RBFOX1: variants seen among roughly 807,000 people sequenced by gnomAD.
The protein encoded by RBFOX1 is RNA binding protein fox-1 homolog 1.
RBFOX1 carries 8 observed loss-of-function variants against 57.7 expected under a neutral mutation model. That is an observed-to-expected ratio of 0.14 (90% CI 0.08 to 0.25). The LOEUF (loss-of-function observed/expected upper bound fraction) is 0.25. Ranked by LOEUF, RBFOX1 falls within the 10% of genes least tolerant of loss-of-function variation. The pLI is 1.00. For missense variants in RBFOX1, 611 were observed against 548.5 expected (o/e 1.11, Z -1.14); for synonymous variants, 326 against 222.4 (o/e 1.47, Z -4.15).
At position 5,747,598 on chromosome 16, in the gene RBFOX1, T is replaced by A. The variant is rs552252717; in HGVS notation, c.319-119705T>A. ...GTTCAGGGATTCAACTTATACCTGG[T>A]TTAGTCTTGGGAGGGTGTATGTGTT... On this transcript the variant is annotated intron_variant, in intron 3 of 19. Transcript: ENST00000641259. Among the ~76,000 whole-genome samples, 275 of 152,280 alleles carry A rather than the reference T, an allele frequency of 1.8e-3. 2 individuals are homozygous for A. The highest frequency in any genetic ancestry group is 6.5e-3 in the African/African-American group (271 of 41,546).
At chr16:6,856,892 G>C (rs1372136131) in intron 3 of RBFOX1, among the ~76,000 whole-genome samples, 3 of 151,950 alleles carry the variant, frequency 2.0e-5, no homozygotes, top group Non-Finnish European at 4.4e-5. Flanking sequence ...AAATGTTAGA[G>C]ACAGAGAAAG....
intron 1 of RBFOX1, among the ~76,000 whole-genome samples, chr16:6,158,124 G>C (rs1479429774): frequency 2.0e-5 from 3 of 152,162 alleles, no homozygotes; most frequent in Admixed American, 1.3e-4. Flanking sequence ...AATGAAAGTG[G>C]AGTGGCTTCT....
chr16:5,894,277 A>G, intron 4 of RBFOX1, among the ~76,000 whole-genome samples: 1 of 152,322 alleles, frequency 6.6e-6, no homozygotes, highest in East Asian at 1.9e-4. Flanking sequence ...AATTCAAAAC[A>G]TTATAAAAAC....
In RBFOX1 at chr16:5,690,428, C is replaced by G. The variant is rs559943818; in HGVS notation, c.318+91467C>G. Among the ~76,000 whole-genome samples the G allele has an allele frequency of 5.9e-5, 9 of 152,280 alleles. No individual in the cohort carries two copies. In the South Asian group the frequency reaches 8.3e-4, roughly 14 times the overall value. On this transcript the variant is annotated intron_variant, in intron 3 of 19. Coordinates refer to the RBFOX1 transcript ENST00000641259. ...GTGAATCTGTTTACAGCTCTACAAACAGGATAGCCACTACCTTCCCCACCA... is the reference window on the plus strand; with the variant it reads ...GTGAATCTGTTTACAGCTCTACAAAGAGGATAGCCACTACCTTCCCCACCA...
intron 3 of RBFOX1, among the ~76,000 whole-genome samples, chr16:5,763,789 C>T (rs1002625186): frequency 2.0e-5 from 3 of 152,234 alleles, no homozygotes; most frequent in Admixed American, 6.5e-5. Flanking sequence ...CTTCCTTTCT[C>T]ATTGAAGCCT....
At chr16:5,914,292 A>G (rs1243401724) in intron 4 of RBFOX1, among the ~76,000 whole-genome samples, 1 of 152,194 alleles carries the variant, frequency 6.6e-6, no homozygotes, top group Non-Finnish European at 1.5e-5. Context: ...AGAAATTTTT[A>G]TTATCCCCAA....
chr16:7,053,587 A>C (rs190094925), intron 4 of RBFOX1, among the ~76,000 whole-genome samples: 9 of 152,304 alleles, frequency 5.9e-5, no homozygotes, highest in African/African-American at 1.4e-4. Flanking sequence ...CTCTATTGCA[A>C]ATGACACTTG....
At chr16:7,101,598 G>A (rs1406177931) in intron 4 of RBFOX1, among the ~76,000 whole-genome samples, 2 of 152,098 alleles carry the variant, frequency 1.3e-5, no homozygotes, top group Non-Finnish European at 2.9e-5. Flanking sequence ...TCATATGACA[G>A]CTATAAAGAC....
At chr16:5,482,927 A>G (rs2151647627) in intron 2 of RBFOX1, among the ~76,000 whole-genome samples, 1 of 152,122 alleles carries the variant, frequency 6.6e-6, no homozygotes, top group South Asian at 2.1e-4. Context: ...TTCTTTAGAG[A>G]CTCTAAGCAG....
intron 2 of RBFOX1, among the ~76,000 whole-genome samples, chr16:5,499,561 C>A (rs2043117091): frequency 6.6e-6 from 1 of 152,018 alleles, no homozygotes; most frequent in Non-Finnish European, 1.5e-5. Context: ...TTTTCTTTTT[C>A]TTTTCCTTTT....
At chr16:5,715,837 G>A (rs1320761958) in intron 3 of RBFOX1, among the ~76,000 whole-genome samples, 1 of 152,310 alleles carries the variant, frequency 6.6e-6, no homozygotes, top group Non-Finnish European at 1.5e-5. Flanking sequence ...AGCGAGAGAA[G>A]GGGGTTTAAT....
intron 4 of RBFOX1, among the ~76,000 whole-genome samples, chr16:5,913,444 C>A (rs1007685038): frequency 6.6e-6 from 1 of 152,170 alleles, no homozygotes; most frequent in Non-Finnish European, 1.5e-5. Flanking sequence ...CAGTAATGAG[C>A]TCAAGTCAGA....
At chr16:5,551,324 C>T (rs985599516) in intron 2 of RBFOX1, among the ~76,000 whole-genome samples, 1 of 152,162 alleles carries the variant, frequency 6.6e-6, no homozygotes, top group African/African-American at 2.4e-5. Context: ...CTGGTCTGCC[C>T]AGAGTGGGAT....
chr16:7,697,695 C>G (rs1034811025), intron 14 of RBFOX1, among the ~76,000 whole-genome samples: 21 of 152,140 alleles, frequency 1.4e-4, no homozygotes, highest in Admixed American at 7.9e-4. Context: ...GATGCCAAAA[C>G]CCTTCCCCTG....
At chr16:6,945,266 T>C (rs1454796215) in intron 3 of RBFOX1, among the ~76,000 whole-genome samples, 1 of 152,112 alleles carries the variant, frequency 6.6e-6, no homozygotes, top group African/African-American at 2.4e-5. Context: ...TCATGTGACC[T>C]CTGTTAGCGT....
intron 2 of RBFOX1, among the ~76,000 whole-genome samples, chr16:5,583,203 T>C (rs929505554): frequency 6.6e-6 from 1 of 152,178 alleles, no homozygotes; most frequent in Admixed American, 6.5e-5. Context: ...CCTGTGAACA[T>C]CCATTCATGT....
intron 5 of RBFOX1, among the ~76,000 whole-genome samples, chr16:7,527,774 C>T (rs533609139): frequency 7.2e-5 from 11 of 152,190 alleles, no homozygotes; most frequent in Admixed American, 5.9e-4. Context: ...TCTACCAGAT[C>T]GACCATCCTA....
intron 2 of RBFOX1, among the ~76,000 whole-genome samples, chr16:6,576,030 C>G (rs1010998557): frequency 3.9e-5 from 6 of 152,200 alleles, no homozygotes; most frequent in Non-Finnish European, 2.9e-5. Context: ...GCACCTCCCC[C>G]CATCACACAG....
intron 4 of RBFOX1, among the ~76,000 whole-genome samples, chr16:7,152,803 T>C (rs528541676): frequency 6.6e-6 from 1 of 152,320 alleles, no homozygotes; most frequent in Non-Finnish European, 1.5e-5. Context: ...GGTGGACCAT[T>C]TTCCCTCCCT....
Sources: allele counts gnomAD v4.1 joint callset (sites outside exome capture counted in the v4.1 genomes callset), GRCh38; gene constraint gnomAD v4.1.1; transcripts MANE v1.5; gene names NCBI Gene and HGNC (gene_info 2026-07-23, HGNC 2026-07-21).